The following ESR1 variants were observed in gnomAD, a reference collection of about 807,000 sequenced individuals.
ESR1 encodes the protein estrogen receptor 1.
ESR1 carries 12 observed loss-of-function variants against 52.7 expected under a neutral mutation model. The observed-to-expected ratio is 0.23, with a 90% CI of 0.15 to 0.37. The LOEUF (loss-of-function observed/expected upper bound fraction) is 0.37. Among genes scored for constraint, ESR1 ranks in the 10% least tolerant of loss-of-function variants. The pLI, the probability that ESR1 is intolerant of heterozygous loss-of-function variation, is 1.00. For synonymous variants in ESR1, 305 were observed against 316.8 expected (o/e 0.96, Z 0.39); for missense variants, 584 against 779.7 (o/e 0.75, Z 2.99).
chr6:152,089,026 A>C (rs1195657633), intron 6 of ESR1, among the ~76,000 whole-genome samples: 1 of 152,212 alleles, frequency 6.6e-6, no homozygotes, highest in Non-Finnish European at 1.5e-5. Flanking sequence ...ATATTCAGTC[A>C]GTCTCTAGAA....
chr6:151,835,328 T>A (rs902837843), intron 1 of ESR1, among the ~76,000 whole-genome samples: 1 of 151,598 alleles, frequency 6.6e-6, no homozygotes, highest in Non-Finnish European at 1.5e-5. Context: ...AGGGGAGGGG[T>A]GTGGGACAGC....
At chr6:151,800,786 A>T (rs118146516), upstream of ESR1, among the ~76,000 whole-genome samples, 1 of 152,314 alleles carries the variant, frequency 6.6e-6, no homozygotes, top group Non-Finnish European at 1.5e-5. Context: ...TGAGTCATTC[A>T]CTGGCATGCT....
intron 6 of ESR1, among the ~76,000 whole-genome samples, chr6:152,086,101 G>A (rs569232090): frequency 6.6e-6 from 1 of 152,200 alleles, no homozygotes; most frequent in Non-Finnish European, 1.5e-5. Context: ...AGTGGGACTA[G>A]AAGTTCCACG....
rs1305072882 is a variant in ESR1, at chr6:151,808,248, C to T, written c.336C>T (p.His112=). The T allele has an allele frequency of 6.3e-7, 1 of 1,576,816 alleles. No individual in the cohort carries two copies. The highest frequency in any genetic ancestry group is 8.6e-7 in the Non-Finnish European group (1 of 1,161,748). ...SVSPSPLMLL[H]PPPQLSPFLQ... is the part of the protein sequence containing the mutation. ...CTCCGAGCCCGCTGATGCTACTGCA[C>T]CCGCCGCCGCAGCTGTCGCCTTTCC... The change falls in exon 1 of 8, where the codon CAC becomes CAT. Residue 112 remains histidine, a synonymous_variant. Transcript: ENST00000206249.
intron 1 of ESR1, among the ~76,000 whole-genome samples, chr6:151,816,722 AAAAAC>A (rs1034807672): frequency 6.6e-6 from 1 of 152,158 alleles, no homozygotes; most frequent in Non-Finnish European, 1.5e-5. Context: ...ACTGTGCTAC[AAAAAC>A]AAAACAAAAC....
At chr6:151,851,245 C>A (rs761645339) in intron 2 of ESR1, among the ~76,000 whole-genome samples, 8 of 152,100 alleles carry the variant, frequency 5.3e-5, no homozygotes, top group Non-Finnish European at 7.4e-5. Context: ...TGTAAAAATT[C>A]TTCGAACCCT....
chr6:151,717,207 A>G (rs887178484), intron 2 of ESR1, among the ~76,000 whole-genome samples: 7 of 152,152 alleles, frequency 4.6e-5, no homozygotes, highest in South Asian at 2.1e-4. Context: ...ACCAGTCCCA[A>G]TGAGATGAGC....
chr6:151,723,978 TG>T (rs1030433354), intron 2 of ESR1, among the ~76,000 whole-genome samples: 2 of 151,944 alleles, frequency 1.3e-5, no homozygotes, highest in African/African-American at 4.8e-5. Flanking sequence ...TACAAGCAGA[TG>T]GGATAGGACA....
intron 6 of ESR1, among the ~76,000 whole-genome samples, chr6:152,080,210 A>C (rs932588900): frequency 6.6e-6 from 1 of 152,202 alleles, no homozygotes; most frequent in Non-Finnish European, 1.5e-5. Context: ...AAAAGTATGA[A>C]ATGAAGGAAA....
rs971285273 is a variant in ESR1 at position 152,122,284 on chromosome 6, A to C, written c.851-2982A>C. On this transcript the variant is annotated intron_variant, in intron 6 of 6. Transcript: ENST00000427531. ...CTGTTTATCTTCCACCTCTGAAGCC[A>C]TAATTTGCACACATGTGATCTGGAG... 4.1e-6 allele frequency: 5 copies of C among 1,206,340 alleles called. No homozygotes were observed. The African/African-American group carries it at 4.5e-5, about 11-fold the overall frequency. The allele number at this position is 1,206,340 out of a possible 1,614,324, so 74.7% of individuals were successfully genotyped here.
intron 6 of ESR1, among the ~76,000 whole-genome samples, chr6:152,111,304 G>A (rs981837672): frequency 6.6e-6 from 1 of 152,266 alleles, no homozygotes; most frequent in Non-Finnish European, 1.5e-5. Context: ...GATTTCGAAA[G>A]TGGGTGGGCT....
chr6:151,884,046 C>G (rs1012274361), intron 3 of ESR1, among the ~76,000 whole-genome samples: 1 of 152,056 alleles, frequency 6.6e-6, no homozygotes, highest in African/African-American at 2.4e-5. Flanking sequence ...TGGCAATATC[C>G]CATAGGGGTT....
chr6:152,072,261 A>C (rs544639331), intron 6 of ESR1, among the ~76,000 whole-genome samples: 4 of 152,230 alleles, frequency 2.6e-5, no homozygotes, highest in Non-Finnish European at 5.9e-5. Flanking sequence ...GCACTGACAC[A>C]ATGCTGATGA....
intron 4 of ESR1, among the ~76,000 whole-genome samples, chr6:151,968,652 G>T (rs2038560366): frequency 6.6e-6 from 1 of 151,888 alleles, no homozygotes; most frequent in Non-Finnish European, 1.5e-5. Context: ...CTATTTGTAG[G>T]GTTCATATTT....
intron 1 of ESR1, among the ~76,000 whole-genome samples, chr6:151,833,313 G>A (rs1330303132): frequency 1.3e-5 from 2 of 152,174 alleles, no homozygotes; most frequent in Non-Finnish European, 2.9e-5. Flanking sequence ...GACATTCATG[G>A]ACTTCAAGAG....
At chr6:152,112,892 C>T (rs2051162149) in intron 6 of ESR1, 1 of 152,086 alleles carries the variant, frequency 6.6e-6, no homozygotes, top group African/African-American at 2.4e-5. Flanking sequence ...CTACAGAATC[C>T]AAGAAAAAAC....
chr6:152,003,352 G>T (rs1167960048), intron 4 of ESR1, among the ~76,000 whole-genome samples: 1 of 151,548 alleles, frequency 6.6e-6, no homozygotes, highest in Non-Finnish European at 1.5e-5. Context: ...GTGTGTGTGT[G>T]TGTGTGTGTG....
chr6:151,944,303 G>T lies in ESR1; in HGVS notation c.891G>T (p.Met297Ile). The T allele has an allele frequency of 6.2e-7, 1 of 1,614,180 alleles. No homozygotes were observed. Residue 297 changes from methionine to isoleucine, a missense_variant, in exon 4 of 8, where the codon ATG becomes ATT. By Grantham distance (10) the Met-to-Ile change is conservative (BLOSUM62 1). This residue lies in a region of ESR1 where 88 missense variants were observed against 88.3 expected (regional missense o/e 1.00). Transcript: ENST00000206249. Reference sequence around the variant, plus strand: ...CCAACCTTTGGCCAAGCCCGCTCATGATCAAACGCTCTAAGAAGAACAGCC... The same window carrying T: ...CCAACCTTTGGCCAAGCCCGCTCATTATCAAACGCTCTAAGAAGAACAGCC... ...RAANLWPSPL[M>I]IKRSKKNSLA...
rs79342858 is a variant in ESR1, at chr6:151,855,909, C to T, written c.643+13122C>T. Reference sequence around the variant, plus strand: ...TAATTGTAAGTGGCCTGTGATTTGTCGTTAGTCATTGCATGCTCAATTCTG... The same window carrying T: ...TAATTGTAAGTGGCCTGTGATTTGTTGTTAGTCATTGCATGCTCAATTCTG... On this transcript the variant is annotated intron_variant, in intron 2 of 7. Transcript: ENST00000206249. Among the ~76,000 whole-genome samples the T allele has an allele frequency of 7.1e-3, 1,085 of 152,208 alleles. 10 individuals are homozygous for T. The highest frequency in any genetic ancestry group is 0.024 in the African/African-American group (1,014 of 41,542).
Sources: allele counts gnomAD v4.1 joint callset (sites outside exome capture counted in the v4.1 genomes callset), GRCh38; gene constraint gnomAD v4.1.1; regional missense constraint gnomAD v4.1.1; transcripts MANE v1.5; gene names NCBI Gene and HGNC (gene_info 2026-07-23, HGNC 2026-07-21).